Variants in THSD4 observed in about 807,000 individuals in gnomAD.
THSD4 encodes thrombospondin type-1 domain-containing protein 4.
In THSD4, 69 loss-of-function variants were observed where a neutral mutation model predicts 119.0. The observed-to-expected ratio is 0.58, with a 90% CI of 0.48 to 0.71. The LOEUF (loss-of-function observed/expected upper bound fraction) is 0.71. Among genes scored for constraint, THSD4 ranks in the 30% least tolerant of loss-of-function variants. THSD4 has a pLI of 0.00. For missense variants in THSD4, 1,393 were observed against 1,391.1 expected, an observed-to-expected ratio of 1.00 and a Z score of -0.02; for synonymous variants, 524 against 540.4, an observed-to-expected ratio of 0.97 and a Z score of 0.42.
intron 6 of THSD4, among the ~76,000 whole-genome samples, chr15:71,396,163 C>T (rs1225902314): frequency 6.6e-6 from 1 of 151,990 alleles, no homozygotes; most frequent in Non-Finnish European, 1.5e-5. Context: ...TACATGTAGA[C>T]ACATGTATAT....
intron 6 of THSD4, among the ~76,000 whole-genome samples, chr15:71,325,697 C>A (rs1216326793): frequency 1.3e-5 from 2 of 152,066 alleles, no homozygotes; most frequent in African/African-American, 4.8e-5. Flanking sequence ...TTTTTTCGAA[C>A]CTCTTGTGAT....
intron 17 of THSD4, among the ~76,000 whole-genome samples, chr15:71,775,936 T>A (rs955933864): frequency 3.4e-4 from 52 of 152,152 alleles, no homozygotes; most frequent in Admixed American, 5.2e-4. Context: ...GGAGGTCATA[T>A]TATGAAGCTG....
At chr15:71,582,750 T>C (rs2049584527) in intron 7 of THSD4, among the ~76,000 whole-genome samples, 1 of 152,200 alleles carries the variant, frequency 6.6e-6, no homozygotes, top group South Asian at 2.1e-4. Flanking sequence ...TAACTAACTT[T>C]AGTCCTTCAT....
intron 4 of THSD4, among the ~76,000 whole-genome samples, chr15:71,237,096 G>A (rs2044111911): frequency 6.6e-6 from 1 of 152,162 alleles, no homozygotes; most frequent in Admixed American, 6.5e-5. Context: ...GGGCTGACAA[G>A]AGATGCAGCA....
At chr15:71,407,354 T>A (rs1396235561) in intron 6 of THSD4, among the ~76,000 whole-genome samples, 2 of 152,202 alleles carry the variant, frequency 1.3e-5, no homozygotes, top group Non-Finnish European at 2.9e-5. Flanking sequence ...GTCGGCTAAG[T>A]CATTACAATG....
chr15:71,516,450 C>G (rs28671129), intron 7 of THSD4, among the ~76,000 whole-genome samples: 4,389 of 152,268 alleles, frequency 0.029, 201 homozygotes, highest in African/African-American at 0.1. Context: ...TACCTCCTTT[C>G]TCTTCTATGA....
chr15:71,259,018 C>T (rs1313660075), intron 6 of THSD4, among the ~76,000 whole-genome samples: 1 of 151,802 alleles, frequency 6.6e-6, no homozygotes, highest in Non-Finnish European at 1.5e-5. Flanking sequence ...GAGGCTGAGG[C>T]AGGAGAATCG....
At chr15:71,098,232 G>A (rs1293183621) in intron 1 of THSD4, among the ~76,000 whole-genome samples, 9 of 118,688 alleles carry the variant, frequency 7.6e-5, no homozygotes, top group East Asian at 2.4e-4. Flanking sequence ...AGAAGGTCCC[G>A]CTCTGTCACC....
intron 1 of THSD4, among the ~76,000 whole-genome samples, chr15:71,123,588 A>C (rs2040427284): frequency 6.6e-6 from 1 of 152,082 alleles, no homozygotes; most frequent in Non-Finnish European, 1.5e-5. Flanking sequence ...GTAATAGTAT[A>C]CTTACAGCCT....
At chr15:71,569,117 G>A (rs749475439) in intron 7 of THSD4, among the ~76,000 whole-genome samples, 13 of 152,156 alleles carry the variant, frequency 8.5e-5, no homozygotes, top group Non-Finnish European at 1.6e-4. Flanking sequence ...GGTAAAATGT[G>A]GCCTGCCACT....
At chr15:71,611,736 G>A (rs753803918) in intron 7 of THSD4, among the ~76,000 whole-genome samples, 2 of 152,242 alleles carry the variant, frequency 1.3e-5, no homozygotes, top group Non-Finnish European at 2.9e-5. Flanking sequence ...ATTACAGGAG[G>A]CTTTTTGTTT....
chr15:71,757,983 G>A lies in THSD4; in HGVS notation c.2497G>A (p.Gly833Ser), dbSNP rs773574066. 32 of 1,614,028 alleles carry A rather than the reference G, an allele frequency of 2.0e-5. No individual in the cohort carries two copies. The Middle Eastern group carries it at 8.2e-4, about 41-fold the overall frequency. ...TNHVSSLPLE[G>S]CGNNRPAEAT... ...CCATGTCAGCAGCCTGCCCCTGGAG[G>A]GCTGTGGGAACAACCGGCCGGCAGA... is the stretch of plus-strand genomic sequence containing the variant. Residue 833 changes from glycine to serine, a missense_variant, in exon 15 of 18, where the codon GGC (glycine) becomes AGC (serine). Transcript: ENST00000261862.
rs542448076 is a variant in THSD4 at position 71,771,091 on chromosome 15, C to T, written c.2797C>T (p.Arg933Trp). Residue 933 changes from arginine to tryptophan, a missense_variant, in exon 17 of 18, where the codon CGG (arginine) becomes TGG (tryptophan). By Grantham distance (101) the Arg-to-Trp change is moderately radical. Coordinates refer to ENST00000261862, the MANE Select transcript of THSD4 (RefSeq NM_024817.3). Reference sequence around the variant, plus strand: ...TTCCAAGAGCTGCCAGGGTGGCTTTCGGGTCCGGGAAGTGCGGTGTCTGTC... The same window carrying T: ...TTCCAAGAGCTGCCAGGGTGGCTTTTGGGTCCGGGAAGTGCGGTGTCTGTC... ...MCSKSCQGGF[R>W]VREVRCLSDD... is the part of the protein sequence containing the mutation. 27 of 1,614,084 alleles carry T rather than the reference C, an allele frequency of 1.7e-5. No homozygotes were observed. The highest frequency in any genetic ancestry group is 5.3e-5 in the African/African-American group (4 of 75,028).
chr15:71,645,138 G>A (rs1221992538), intron 7 of THSD4, among the ~76,000 whole-genome samples: 1 of 152,148 alleles, frequency 6.6e-6, no homozygotes, highest in African/African-American at 2.4e-5. Context: ...GAGCCCCAGG[G>A]TCACTAGGGT....
chr15:71,393,087 G>A lies in THSD4; in HGVS notation c.1016-18600G>A, dbSNP rs79112241. ...CTTGCATTTGATTGTGATTGGGATG[G>A]ATTGACGTCTTTTAAAGTCCTGGGG... On this transcript the variant is annotated intron_variant, in intron 6 of 17. Transcript: ENST00000261862. Among the ~76,000 whole-genome samples the A allele has an allele frequency of 5.0e-4, 76 of 152,308 alleles. 1 individual carries two copies. Among genetic ancestry groups the A allele is most frequent in the African/African-American group, 1.7e-3 (72 of 41,578 alleles).
chr15:71,764,462 G>A (rs970698231), intron 15 of THSD4, among the ~76,000 whole-genome samples: 3 of 152,182 alleles, frequency 2.0e-5, no homozygotes, highest in Admixed American at 1.3e-4. Context: ...AAGAAGATTG[G>A]GCTCTGTAGT....
At chr15:71,463,784 G>A (rs952061970) in intron 7 of THSD4, among the ~76,000 whole-genome samples, 1 of 152,104 alleles carries the variant, frequency 6.6e-6, no homozygotes, top group Non-Finnish European at 1.5e-5. Flanking sequence ...CTCCTCCTCA[G>A]CTGTCTCTCT....
At chr15:71,157,639 T>G (rs1016065128) in intron 3 of THSD4, among the ~76,000 whole-genome samples, 4 of 151,324 alleles carry the variant, frequency 2.6e-5, no homozygotes, top group Admixed American at 6.6e-5. Context: ...CTCCTCAGTC[T>G]CTGGTAACCT....
intron 7 of THSD4, among the ~76,000 whole-genome samples, chr15:71,513,827 A>G (rs971770477): frequency 1.3e-5 from 2 of 152,206 alleles, no homozygotes. Flanking sequence ...TCTGCATGCA[A>G]TAGATATACT....
Sources: gnomAD v4.1 joint callset for allele counts (sites outside exome capture counted in the v4.1 genomes callset) on GRCh38, gnomAD v4.1.1 for gene constraint, MANE v1.5 for transcripts, NCBI Gene and HGNC (gene_info 2026-07-23, HGNC 2026-07-21) for gene names.